Variants in HPSE2 observed in about 807,000 individuals in gnomAD.
The protein encoded by HPSE2 is inactive heparanase-2.
A neutral mutation model predicts 60.5 loss-of-function variants in HPSE2; 38 were observed. The ratio of observed to expected loss-of-function variants is 0.63; its 90% CI spans 0.48 to 0.82. The LOEUF (loss-of-function observed/expected upper bound fraction) is 0.82, where lower values mean the gene tolerates loss of function less well. HPSE2 is among the 40% of genes least tolerant of loss of function. HPSE2 has a pLI of 0.00. For synonymous variants in HPSE2, 295 were observed against 293.2 expected (o/e 1.01, Z -0.06); for missense variants, 713 against 740.4 (o/e 0.96, Z 0.43).
At chr10:98,819,416 T>C (rs1227750263) in intron 3 of HPSE2, among the ~76,000 whole-genome samples, 1 of 85,304 alleles carries the variant, frequency 1.2e-5, no homozygotes, top group East Asian at 3.4e-4. Context: ...GGTTCTACAA[T>C]CATTCTTTTT....
chr10:98,894,276 C>G (rs906919641), intron 3 of HPSE2, among the ~76,000 whole-genome samples: 1 of 152,068 alleles, frequency 6.6e-6, no homozygotes, highest in South Asian at 2.1e-4. Flanking sequence ...GCAAGTACAA[C>G]AGCAGATATT....
intron 9 of HPSE2, among the ~76,000 whole-genome samples, chr10:98,570,209 G>C (rs567872034): frequency 6.6e-6 from 1 of 152,294 alleles, no homozygotes. Context: ...CTTGAAGGCA[G>C]TCTTCCCCTA....
chr10:98,869,078 C>T (rs1054901748), intron 3 of HPSE2, among the ~76,000 whole-genome samples: 4 of 151,568 alleles, frequency 2.6e-5, no homozygotes, highest in South Asian at 2.1e-4. Context: ...TGTGTGTTTT[C>T]GAGTCATCTA....
At chr10:98,801,168 T>C (rs1276903329) in intron 3 of HPSE2, among the ~76,000 whole-genome samples, 3 of 152,156 alleles carry the variant, frequency 2.0e-5, no homozygotes, top group African/African-American at 7.2e-5. Flanking sequence ...CATCCCTTCA[T>C]GATAAAACTG....
rs947045311 is a variant in HPSE2 at position 98,982,040 on chromosome 10, C to CT, written c.610+162197dup. On this transcript the variant is annotated intron_variant, in intron 3 of 11. Transcript: ENST00000370552. ...TACTATGAGAAAATAGTTCTCTATC[C>CT]TTTTTTTTTTTCAAAAATTAGATTT... Among the ~76,000 whole-genome samples, 199 of 145,630 alleles carry CT rather than the reference C, an allele frequency of 1.4e-3. 1 individual carries two copies. Among genetic ancestry groups the CT allele is most frequent in the African/African-American group, 3.3e-3 (132 of 39,930 alleles).
At chr10:98,631,738 C>T (rs766129725) in intron 7 of HPSE2, among the ~76,000 whole-genome samples, 3 of 152,214 alleles carry the variant, frequency 2.0e-5, no homozygotes, top group Non-Finnish European at 4.4e-5. Context: ...CCTTACTAAA[C>T]ACTGACCAAG....
In HPSE2 at chr10:98,721,124, C is replaced by A. The variant is rs145540222; in HGVS notation, c.956+533G>T. Among the ~76,000 whole-genome samples the A allele has an allele frequency of 9.1e-3, 1,388 of 151,828 alleles. 23 individuals are homozygous for A. Among genetic ancestry groups the A allele is most frequent in the Middle Eastern group, 0.065 (19 of 294 alleles). On this transcript the variant is annotated intron_variant, in intron 5 of 11. Transcript: ENST00000370552. ...CTGATCAGTATCTTTCCTTGCCTTG[C>A]GTGATTTTTAAAAATGATTGTCAGA...
chr10:99,256,277 G>T, the HPSE2 span, among the ~76,000 whole-genome samples: 1 of 149,122 alleles, frequency 6.7e-6, no homozygotes, highest in East Asian at 2.0e-4. Flanking sequence ...CCACCCTCAT[G>T]AATGGATTAA....
chr10:98,813,745 A>G (rs1951220711), intron 3 of HPSE2, among the ~76,000 whole-genome samples: 1 of 152,204 alleles, frequency 6.6e-6, no homozygotes, highest in African/African-American at 2.4e-5. Flanking sequence ...TTTATTTTGG[A>G]TTAACAAATG....
chr10:98,473,490 A>G (rs1940867323), intron 11 of HPSE2, among the ~76,000 whole-genome samples: 1 of 131,780 alleles, frequency 7.6e-6, no homozygotes, highest in Non-Finnish European at 1.6e-5. Flanking sequence ...GTCTCAAAAA[A>G]AAAAAAAAAA....
chr10:98,927,519 C>T (rs1368224110), intron 3 of HPSE2, among the ~76,000 whole-genome samples: 4 of 146,502 alleles, frequency 2.7e-5, no homozygotes, highest in Non-Finnish European at 6.0e-5. Context: ...AAAAAGAGTC[C>T]GCATCACCAA....
intron 3 of HPSE2, among the ~76,000 whole-genome samples, chr10:98,983,360 T>C (rs1360069990): frequency 3.9e-5 from 6 of 152,178 alleles, no homozygotes; most frequent in Admixed American, 3.9e-4. Context: ...TACTCCGTAA[T>C]CTCGTTTTGG....
At chr10:99,237,481 C>T (rs932847710), upstream of HPSE2, among the ~76,000 whole-genome samples, 2 of 152,132 alleles carry the variant, frequency 1.3e-5, no homozygotes, top group Non-Finnish European at 2.9e-5. Flanking sequence ...CCCTGAAAAG[C>T]CTCTACCAAC....
chr10:98,625,918 C>T (rs368792187), intron 7 of HPSE2, among the ~76,000 whole-genome samples: 12 of 152,100 alleles, frequency 7.9e-5, no homozygotes, highest in African/African-American at 2.9e-4. Flanking sequence ...CTGGCTAACA[C>T]GGTGAAACCC....
intron 4 of HPSE2, among the ~76,000 whole-genome samples, chr10:98,722,499 G>A (rs1230098962): frequency 6.6e-6 from 1 of 152,032 alleles, no homozygotes; most frequent in African/African-American, 2.4e-5. Context: ...TTTAAGCCAC[G>A]AAATTTGTGA....
At chr10:98,980,978 T>C (rs1956193131) in intron 3 of HPSE2, among the ~76,000 whole-genome samples, 1 of 152,182 alleles carries the variant, frequency 6.6e-6, no homozygotes, top group Non-Finnish European at 1.5e-5. Flanking sequence ...AGAATCTTTC[T>C]AAATTCTCAC....
At chr10:98,628,791 G>A (rs1210590465) in intron 7 of HPSE2, among the ~76,000 whole-genome samples, 1 of 151,948 alleles carries the variant, frequency 6.6e-6, no homozygotes, top group Non-Finnish European at 1.5e-5. Flanking sequence ...TGGGGACTAT[G>A]AGTACTGTTT....
At chr10:98,720,995 G>C (rs1403587534) in intron 5 of HPSE2, among the ~76,000 whole-genome samples, 1 of 152,046 alleles carries the variant, frequency 6.6e-6, no homozygotes. Context: ...AAGTTGCTGG[G>C]GATGTTTATG....
At chr10:98,596,472 C>CT (rs35468569) in intron 9 of HPSE2, among the ~76,000 whole-genome samples, 61,765 of 148,734 alleles carry the variant, frequency 0.42, 15,301 homozygotes, top group Non-Finnish European at 0.53. Flanking sequence ...AATTAGCATC[C>CT]TTTTTTTTTT....
Sources: allele counts gnomAD v4.1 joint callset (sites outside exome capture counted in the v4.1 genomes callset), GRCh38; gene constraint gnomAD v4.1.1; transcripts MANE v1.5; gene names NCBI Gene and HGNC (gene_info 2026-07-23, HGNC 2026-07-21).